PTPRT: variants seen among roughly 807,000 people sequenced by gnomAD.
PTPRT encodes receptor-type tyrosine-protein phosphatase T.
PTPRT carries 56 observed loss-of-function variants against 176.8 expected under a neutral mutation model. The observed-to-expected ratio is 0.32, with a 90% CI of 0.26 to 0.40. The LOEUF (loss-of-function observed/expected upper bound fraction) is 0.40, where lower values mean the gene tolerates loss of function less well. Ranked by LOEUF, PTPRT falls within the 10% of genes least tolerant of loss-of-function variation. The pLI is 1.00. For synonymous variants in PTPRT, 783 were observed against 739.0 expected, an observed-to-expected ratio of 1.06 and a Z score of -0.96; for missense variants, 1,540 against 1,908.2, an observed-to-expected ratio of 0.81 and a Z score of 3.60.
chr20:42,330,538 T>C (rs1428289305), intron 11 of PTPRT, among the ~76,000 whole-genome samples: 1 of 152,028 alleles, frequency 6.6e-6, no homozygotes, highest in African/African-American at 2.4e-5. Context: ...TATTAGCTTA[T>C]GTTAATAACT....
intron 9 of PTPRT, among the ~76,000 whole-genome samples, chr20:42,407,611 A>G (rs563669883): frequency 7.9e-5 from 12 of 152,306 alleles, no homozygotes; most frequent in African/African-American, 2.9e-4. Context: ...TGAGCAAGAC[A>G]GGTATGCTTA....
intron 1 of PTPRT, among the ~76,000 whole-genome samples, chr20:43,016,087 C>G (rs189678723): frequency 6.4e-4 from 97 of 152,224 alleles, no homozygotes; most frequent in Non-Finnish European, 1.1e-3. Context: ...GACCTGAGAG[C>G]CCCCTGCCCC....
chr20:42,252,373 C>T (rs1244018849), intron 13 of PTPRT, among the ~76,000 whole-genome samples: 1 of 152,024 alleles, frequency 6.6e-6, no homozygotes, highest in Non-Finnish European at 1.5e-5. Flanking sequence ...GTATTTGAAG[C>T]GTGGGGGCCT....
At chr20:42,835,699 T>A (rs1306573226) in intron 2 of PTPRT, among the ~76,000 whole-genome samples, 1 of 152,124 alleles carries the variant, frequency 6.6e-6, no homozygotes, top group Non-Finnish European at 1.5e-5. Context: ...CAACGATTAT[T>A]TTTGGTTATT....
chr20:42,615,714 T>C lies in PTPRT; in HGVS notation c.1153+62152A>G, dbSNP rs1354194159. Among the ~76,000 whole-genome samples the C allele has an allele frequency of 1.6e-5, 2 of 124,366 alleles. 1 individual carries two copies. Among genetic ancestry groups the C allele is most frequent in the Non-Finnish European group, 3.3e-5 (2 of 61,510 alleles). 81.6% of individuals were successfully genotyped at this position (124,366 alleles called of 152,430 possible). On this transcript the variant is annotated intron_variant, in intron 7 of 30. Coordinates refer to ENST00000373187, the MANE Select transcript of PTPRT (RefSeq NM_007050.6). ...GATGATGAGCATTTTTTCATGTGTT[T>C]TTTGGCTGCATAAATGTCTTCTTTT...
chr20:42,463,440 A>G (rs2071054251), intron 8 of PTPRT, among the ~76,000 whole-genome samples: 1 of 152,222 alleles, frequency 6.6e-6, no homozygotes, highest in Admixed American at 6.5e-5. Context: ...TGCTAATTTT[A>G]ACTGTGCTTC....
intron 7 of PTPRT, among the ~76,000 whole-genome samples, chr20:42,585,229 T>G (rs901168591): frequency 6.6e-6 from 1 of 152,214 alleles, no homozygotes; most frequent in African/African-American, 2.4e-5. Context: ...GCATCCCAGA[T>G]AGAGTCTAGG....
intron 7 of PTPRT, among the ~76,000 whole-genome samples, chr20:42,509,667 G>A (rs879838713): frequency 6.7e-6 from 1 of 148,720 alleles, no homozygotes; most frequent in African/African-American, 2.4e-5. Flanking sequence ...AATAGCTCAG[G>A]ATTCTTTTAA....
intron 1 of PTPRT, among the ~76,000 whole-genome samples, chr20:42,965,797 ACCC>A (rs1329510808): frequency 6.6e-5 from 10 of 152,312 alleles, no homozygotes; most frequent in African/African-American, 2.4e-4. Context: ...CCCAAACGAT[ACCC>A]CCATTTAATT....
At chr20:42,162,786 C>T (rs969678314) in intron 16 of PTPRT, among the ~76,000 whole-genome samples, 1 of 152,220 alleles carries the variant, frequency 6.6e-6, no homozygotes, top group South Asian at 2.1e-4. Flanking sequence ...TTTTCAAAAT[C>T]CATGTGCCCT....
chr20:42,145,219 G>A (rs1401784299), intron 17 of PTPRT, among the ~76,000 whole-genome samples: 1 of 152,162 alleles, frequency 6.6e-6, no homozygotes, highest in Non-Finnish European at 1.5e-5. Flanking sequence ...ATAGGTGTTG[G>A]GGCCAGACGC....
chr20:43,152,926 A>G (rs4812676), intron 1 of PTPRT, among the ~76,000 whole-genome samples: 135,951 of 151,928 alleles, frequency 0.89, 61,349 homozygotes, highest in East Asian at 0.98. Flanking sequence ...AATACTTCCC[A>G]ATTTTTTTTT....
intron 7 of PTPRT, among the ~76,000 whole-genome samples, chr20:42,498,055 G>C (rs2071685884): frequency 6.6e-6 from 1 of 152,182 alleles, no homozygotes; most frequent in East Asian, 1.9e-4. Context: ...GTGGTACTTT[G>C]TATGGGTATC....
chr20:43,168,066 G>A (rs368752740), intron 1 of PTPRT, among the ~76,000 whole-genome samples: 6 of 152,294 alleles, frequency 3.9e-5, no homozygotes, highest in East Asian at 1.9e-4. Flanking sequence ...CCAACTTGTC[G>A]TTTCAGTTTG....
At chr20:42,298,201 C>G (rs1354087868) in intron 12 of PTPRT, among the ~76,000 whole-genome samples, 1 of 151,916 alleles carries the variant, frequency 6.6e-6, no homozygotes, top group Admixed American at 6.6e-5. Flanking sequence ...AAGACATAAA[C>G]AGGTAATTCA....
At chr20:42,881,746 AAAAG>A (rs2079014887) in intron 2 of PTPRT, among the ~76,000 whole-genome samples, 1 of 150,478 alleles carries the variant, frequency 6.6e-6, no homozygotes, top group Non-Finnish European at 1.5e-5. Context: ...AAAAAAAAAA[AAAAG>A]AGAGAGAGAG....
In PTPRT at chr20:42,102,269, C is replaced by A; in HGVS notation, c.3569G>T (p.Arg1190Leu). The A allele has an allele frequency of 9.3e-6, 15 of 1,614,100 alleles. No individual in the cohort carries two copies. Among genetic ancestry groups the A allele is most frequent in the Non-Finnish European group, 1.3e-5 (15 of 1,180,014 alleles). Residue 1190 changes from arginine to leucine, a missense_variant, in exon 26 of 31, where the codon CGG becomes CTG. Physicochemically the swap from Arg to Leu is moderately radical, Grantham distance 102. Transcript: ENST00000373187. ...GAGCCCAATGCTGCAGTCCTCGGGC[C>A]GCACACGGGGTGTCACAATGTTGAG... Reference protein sequence around the residue: ...QTLNIVTPRVRPEDCSIGLLP... With the variant: ...QTLNIVTPRVLPEDCSIGLLP...
chr20:42,422,159 T>C (rs1025779103), intron 9 of PTPRT, among the ~76,000 whole-genome samples: 5 of 152,186 alleles, frequency 3.3e-5, no homozygotes, highest in African/African-American at 1.2e-4. Context: ...AATTTCATTA[T>C]GAAGATGCCA....
intron 13 of PTPRT, among the ~76,000 whole-genome samples, chr20:42,278,658 A>T (rs762620565): frequency 2.0e-5 from 3 of 152,190 alleles, no homozygotes; most frequent in Non-Finnish European, 2.9e-5. Context: ...GAATTGAACA[A>T]CTAGGTCAGA....
Sources: allele counts gnomAD v4.1 joint callset (sites outside exome capture counted in the v4.1 genomes callset), GRCh38; gene constraint gnomAD v4.1.1; transcripts MANE v1.5; gene names NCBI Gene and HGNC (gene_info 2026-07-23, HGNC 2026-07-21).